The following CNTNAP4 variants were observed in gnomAD, a reference collection of about 807,000 sequenced individuals.
CNTNAP4 encodes the protein contactin-associated protein-like 4.
CNTNAP4 carries 98 observed loss-of-function variants against 148.4 expected under a neutral mutation model. That is an observed-to-expected ratio of 0.66 (90% CI 0.56 to 0.78). The LOEUF (loss-of-function observed/expected upper bound fraction) is 0.78. Ranked by LOEUF, CNTNAP4 falls within the 30% of genes least tolerant of loss-of-function variation. CNTNAP4 has a pLI of 0.00. For synonymous variants in CNTNAP4, 730 were observed against 565.1 expected (o/e 1.29, Z -4.14); for missense variants, 1,935 against 1,565.6 (o/e 1.24, Z -3.98).
intron 12 of CNTNAP4, 75 bp from the exon 13 acceptor site, chr16:76,489,611 A>C (rs771762101): frequency 6.2e-6 from 5 of 804,474 alleles, no homozygotes; most frequent in Non-Finnish European, 9.0e-6. Context: ...GGTGATTTTG[A>C]TTTTCTTTAT....
intron 10 of CNTNAP4, among the ~76,000 whole-genome samples, chr16:76,468,725 C>G (rs2081263482): frequency 6.6e-6 from 1 of 151,924 alleles, no homozygotes; most frequent in African/African-American, 2.4e-5. Flanking sequence ...TCCCAAAGTG[C>G]TGGAATTACA....
intron 10 of CNTNAP4, chr16:76,469,371 C>T (rs1273358845): frequency 6.6e-6 from 1 of 152,122 alleles, no homozygotes; most frequent in African/African-American, 2.4e-5. Flanking sequence ...GAACCTAAAA[C>T]CTGATTTAGG....
intron 1 of CNTNAP4, among the ~76,000 whole-genome samples, chr16:76,300,892 T>C (rs1366959899): frequency 6.6e-6 from 1 of 152,028 alleles, no homozygotes; most frequent in Non-Finnish European, 1.5e-5. Context: ...AAGGAAGGGG[T>C]ATCTTTTATT....
At chr16:76,299,476 A>T (rs1420173992) in intron 1 of CNTNAP4, among the ~76,000 whole-genome samples, 2 of 152,184 alleles carry the variant, frequency 1.3e-5, no homozygotes, top group African/African-American at 4.8e-5. Context: ...AATGGCGATC[A>T]TTAAAAAGTC....
At chr16:76,337,755 C>G (rs541056128) in intron 2 of CNTNAP4, among the ~76,000 whole-genome samples, 239 of 152,250 alleles carry the variant, frequency 1.6e-3, no homozygotes, top group African/African-American at 5.6e-3. Flanking sequence ...GACAGACACT[C>G]CCAGAGCAGC....
intron 4 of CNTNAP4, among the ~76,000 whole-genome samples, chr16:76,435,048 C>T (rs2079767206): frequency 6.6e-6 from 1 of 152,092 alleles, no homozygotes; most frequent in South Asian, 2.1e-4. Flanking sequence ...TGGTAAAAGG[C>T]TGAATGTCTC....
At chr16:76,549,474 T>C (rs2084873472) in intron 21 of CNTNAP4, among the ~76,000 whole-genome samples, 1 of 151,926 alleles carries the variant, frequency 6.6e-6, no homozygotes, top group Non-Finnish European at 1.5e-5. Context: ...GATTAAAAAG[T>C]AAACTAACAA....
chr16:76,549,292 G>C (rs909256728), intron 21 of CNTNAP4, among the ~76,000 whole-genome samples: 3 of 152,110 alleles, frequency 2.0e-5, no homozygotes, highest in Non-Finnish European at 4.4e-5. Flanking sequence ...AAGGTGCTAA[G>C]ATGACCTGAA....
intron 7 of CNTNAP4, among the ~76,000 whole-genome samples, chr16:76,451,093 C>T (rs554848524): frequency 1.3e-5 from 2 of 152,108 alleles, no homozygotes; most frequent in South Asian, 2.1e-4. Context: ...TGCTGTCGGT[C>T]GGTTGGGCCA....
chr16:76,404,680 A>G (rs888559581), intron 3 of CNTNAP4, among the ~76,000 whole-genome samples: 3 of 152,138 alleles, frequency 2.0e-5, no homozygotes, highest in African/African-American at 7.2e-5. Flanking sequence ...TGAGCATGCA[A>G]TGAATAATAC....
chr16:76,460,771 A>ATATATAT (rs1189756560), intron 8 of CNTNAP4, among the ~76,000 whole-genome samples: 1 of 33,658 alleles, frequency 3.0e-5, no homozygotes, highest in Non-Finnish European at 7.4e-5. Flanking sequence ...AAAAAAAAAA[A>ATATATAT]AAATATATAT....
chr16:76,444,224 G>C (rs979338308), intron 4 of CNTNAP4, among the ~76,000 whole-genome samples: 2 of 152,248 alleles, frequency 1.3e-5, no homozygotes, highest in East Asian at 3.9e-4. Flanking sequence ...CTACCAGACA[G>C]AAGCAATTTG....
At position 76,524,437 on chromosome 16, in the gene CNTNAP4, A is replaced by T. The variant is rs2083624132; in HGVS notation, c.2755+2180A>T. ...AGCCTTACTATTCTTGGAAATTGAGAGGCTGAAATAGTCCTCAAATTTTTC... is the reference window on the plus strand; with the variant it reads ...AGCCTTACTATTCTTGGAAATTGAGTGGCTGAAATAGTCCTCAAATTTTTC... On this transcript the variant is annotated intron_variant, in intron 17 of 23. Transcript: ENST00000611870. Among the ~76,000 whole-genome samples, 10 of 152,304 alleles carry T rather than the reference A, an allele frequency of 6.6e-5. 1 individual carries two copies. The South Asian group carries it at 2.1e-3, about 32-fold the overall frequency.
chr16:76,326,305 A>G (rs1372492147), intron 2 of CNTNAP4, among the ~76,000 whole-genome samples: 1 of 152,154 alleles, frequency 6.6e-6, no homozygotes, highest in South Asian at 2.1e-4. Context: ...TGGAATGTAC[A>G]TGTGCTCTGA....
At chr16:76,463,671 G>T (rs1291821800) in intron 9 of CNTNAP4, among the ~76,000 whole-genome samples, 1 of 152,060 alleles carries the variant, frequency 6.6e-6, no homozygotes, top group African/African-American at 2.4e-5. Flanking sequence ...ACATTTTAAA[G>T]ATAACTAACA....
At chr16:76,539,911 TC>T in intron 20 of CNTNAP4, 59 bp downstream of exon 20, 1 of 1,322,804 alleles carries the variant, frequency 7.6e-7, no homozygotes, top group Non-Finnish European at 1.0e-6. Context: ...ATGAAGGATC[TC>T]AAGCAGAAAT....
At chr16:76,556,184 A>G (rs571445309) in intron 23 of CNTNAP4, among the ~76,000 whole-genome samples, 2 of 152,178 alleles carry the variant, frequency 1.3e-5, no homozygotes, top group Admixed American at 6.5e-5. Flanking sequence ...TAATACATTT[A>G]AAAGTGGTGA....
At chr16:76,283,038 G>C (rs1369712918) in intron 1 of CNTNAP4, among the ~76,000 whole-genome samples, 1 of 151,700 alleles carries the variant, frequency 6.6e-6, no homozygotes, top group Non-Finnish European at 1.5e-5. Flanking sequence ...GTCTCAAAGA[G>C]CTTAACTGAA....
At chr16:76,418,890 A>T (rs1715007479) in intron 3 of CNTNAP4, among the ~76,000 whole-genome samples, 1 of 152,024 alleles carries the variant, frequency 6.6e-6, no homozygotes, top group Admixed American at 6.6e-5. Context: ...TGCTATAGGT[A>T]CTATAGGTAC....
Sources: allele counts gnomAD v4.1 joint callset (sites outside exome capture counted in the v4.1 genomes callset), GRCh38; gene constraint gnomAD v4.1.1; transcripts MANE v1.5; gene names NCBI Gene and HGNC (gene_info 2026-07-23, HGNC 2026-07-21).